The following LIMCH1 variants were observed in gnomAD, a reference collection of about 807,000 sequenced individuals.
LIMCH1 encodes the protein LIM and calponin homology domains 1.
LIMCH1 carries 113 observed loss-of-function variants against 176.5 expected under a neutral mutation model. The ratio of observed to expected loss-of-function variants is 0.64; its 90% CI spans 0.55 to 0.75. LIMCH1 has a LOEUF of 0.75. Ranked by LOEUF, LIMCH1 falls within the 30% of genes least tolerant of loss-of-function variation. The probability of loss-of-function intolerance (pLI) is 0.00; values close to 1 mark genes in which losing one functional copy is unlikely to be tolerated. For missense variants in LIMCH1, 1,674 were observed against 1,814.9 expected, an observed-to-expected ratio of 0.92 and a Z score of 1.41; for synonymous variants, 619 against 645.9, an observed-to-expected ratio of 0.96 and a Z score of 0.63.
In LIMCH1 at chr4:41,605,972, G is replaced by A. The variant is rs767081335; in HGVS notation, c.-24G>A. ...CAGCGGAACGACACTAAACCTGAAG[G>A]AGTTTGAAGGATTGTTGGCTCAGAT... On this transcript the variant is annotated 5_prime_UTR_variant, in exon 4 of 32. Coordinates refer to ENST00000503057, the MANE Select transcript of LIMCH1 (RefSeq NM_001330672.2). 1 of 1,613,720 alleles carries A rather than the reference G, an allele frequency of 6.2e-7. No individual in the cohort carries two copies. The highest frequency in any genetic ancestry group is 8.5e-7 in the Non-Finnish European group (1 of 1,179,698).
Position 41,631,128 on chromosome 4 carries a change from T to C in LIMCH1, c.1272-20T>C. 1 of 1,478,310 alleles carries C rather than the reference T, an allele frequency of 6.8e-7. No individual in the cohort carries two copies. The allele number at this position is 1,478,310 out of a possible 1,614,324, so 91.6% of individuals were successfully genotyped here. ...ATTTGTACTCAGACACTTTTAGAACTTATTTCTGGTTTTGACTAGGGATGG... is the reference window on the plus strand; with the variant it reads ...ATTTGTACTCAGACACTTTTAGAACCTATTTCTGGTTTTGACTAGGGATGG... On this transcript the variant is annotated intron_variant, in intron 9 of 31. Transcript: ENST00000503057.
chr4:41,392,831 G>C (rs1290495987), intron 1 of LIMCH1, among the ~76,000 whole-genome samples: 1 of 152,062 alleles, frequency 6.6e-6, no homozygotes, highest in African/African-American at 2.4e-5. Context: ...AGGAATTCGA[G>C]ACCAGCCTGG....
chr4:41,607,686 T>C lies in LIMCH1; in HGVS notation c.9+1682T>C, dbSNP rs150212767. On this transcript the variant is annotated intron_variant, in intron 4 of 31. Coordinates refer to ENST00000503057, the MANE Select transcript of LIMCH1 (RefSeq NM_001330672.2). Reference sequence around the variant, plus strand: ...AGCTCCTGTAGAATCTGAGCAGCTATTGGTTTCTTCAACTCTCCTAGCTTC... The same window carrying C: ...AGCTCCTGTAGAATCTGAGCAGCTACTGGTTTCTTCAACTCTCCTAGCTTC... Among the ~76,000 whole-genome samples, 603 of 152,360 alleles carry C rather than the reference T, an allele frequency of 4.0e-3. 2 individuals carry two copies. Among genetic ancestry groups the C allele is most frequent in the Non-Finnish European group, 6.5e-3 (443 of 68,032 alleles).
chr4:41,631,115 A>G (rs757429390), intron 9 of LIMCH1, 33 bp from the exon 10 acceptor site: 1 of 1,429,354 alleles, frequency 7.0e-7, no homozygotes, highest in African/African-American at 1.4e-5. Flanking sequence ...TTGTACTCAG[A>G]CACTTTTAGA....
intron 1 of LIMCH1, among the ~76,000 whole-genome samples, chr4:41,584,270 C>T (rs1014018015): frequency 1.3e-5 from 2 of 152,204 alleles, no homozygotes; most frequent in Non-Finnish European, 2.9e-5. Context: ...ATTTGTCTCA[C>T]ATGTCTTGGG....
chr4:41,518,643 T>C (rs546481539), intron 2 of LIMCH1, among the ~76,000 whole-genome samples: 2 of 152,296 alleles, frequency 1.3e-5, no homozygotes, highest in South Asian at 4.1e-4. Flanking sequence ...GGTATACGTG[T>C]GCCATGGTGG....
chr4:41,669,600 A>G (rs1450878116), intron 21 of LIMCH1, among the ~76,000 whole-genome samples: 7 of 152,232 alleles, frequency 4.6e-5, no homozygotes. Context: ...TCTGAAAACC[A>G]CTGGCCTCAA....
At position 41,413,495 on chromosome 4, in the gene LIMCH1, A is replaced by ATT. The variant is rs10631082; in HGVS notation, c.96+52572_96+52573dup. 7.1e-3 allele frequency among the ~76,000 whole-genome samples: 989 copies of ATT among 139,462 alleles called. 12 individuals are homozygous for ATT. Among genetic ancestry groups the ATT allele is most frequent in the African/African-American group, 0.021 (791 of 38,062 alleles). 91.5% of individuals were successfully genotyped at this position (139,462 alleles called of 152,430 possible). The stretch of plus-strand genomic sequence containing the variant: ...CAGGAACATGCCACCATGCCTGGCT[A>ATT]TTTTTTTTTTTTTTGTATTTTTTGT... On this transcript the variant is annotated intron_variant, in intron 1 of 26. Transcript: ENST00000313860.
intron 1 of LIMCH1, among the ~76,000 whole-genome samples, chr4:41,409,925 T>C (rs2059333554): frequency 6.6e-6 from 1 of 152,214 alleles, no homozygotes; most frequent in African/African-American, 2.4e-5. Flanking sequence ...GTTTTCTTCC[T>C]TATGCAATCA....
chr4:41,575,061 A>G (rs927758624), intron 1 of LIMCH1, among the ~76,000 whole-genome samples: 1 of 151,970 alleles, frequency 6.6e-6, no homozygotes, highest in Non-Finnish European at 1.5e-5. Context: ...CACACACACA[A>G]TTTATTGAGG....
At chr4:41,526,423 A>G (rs944395454) in intron 3 of LIMCH1, among the ~76,000 whole-genome samples, 3 of 152,122 alleles carry the variant, frequency 2.0e-5, no homozygotes, top group African/African-American at 7.2e-5. Flanking sequence ...TGAATCTACA[A>G]ACCTGGTCAA....
chr4:41,360,118 A>G (rs991806464), upstream of LIMCH1, among the ~76,000 whole-genome samples: 2 of 151,798 alleles, frequency 1.3e-5, no homozygotes, highest in African/African-American at 2.4e-5. This position sits in a 1 kb window ranked among gnomAD's most constrained non-coding sequence, Gnocchi z 4.5. Flanking sequence ...GTGCACAGTG[A>G]CTGTTGGTTG....
At chr4:41,618,875 T>G (rs1324300198) in intron 5 of LIMCH1, among the ~76,000 whole-genome samples, 1 of 152,156 alleles carries the variant, frequency 6.6e-6, no homozygotes, top group Admixed American at 6.5e-5. Flanking sequence ...CTTCTGAGAG[T>G]AGCAGAATCT....
chr4:41,505,925 GACACACACACACACAC>G (rs36212568), intron 2 of LIMCH1, among the ~76,000 whole-genome samples: 101 of 134,656 alleles, frequency 7.5e-4, no homozygotes, highest in Non-Finnish European at 1.4e-3. Context: ...CTGTGTTTCT[GACACACACACACACAC>G]ACACACACAC....
intron 1 of LIMCH1, among the ~76,000 whole-genome samples, chr4:41,598,529 A>G (rs9999253): frequency 6.9e-6 from 1 of 145,490 alleles, no homozygotes; most frequent in African/African-American, 2.7e-5. Context: ...AAACCTTTTT[A>G]AAAAAAAAAG....
At chr4:41,617,246 G>A (rs193124068) in intron 5 of LIMCH1, among the ~76,000 whole-genome samples, 4 of 152,194 alleles carry the variant, frequency 2.6e-5, no homozygotes, top group East Asian at 3.9e-4. Flanking sequence ...AGCACTTCTC[G>A]TAGTCAGAAC....
In LIMCH1 at chr4:41,360,856, C is replaced by G; in HGVS notation, c.16C>G (p.Leu6Val). 6.4e-7 allele frequency: 1 copy of G among 1,568,754 alleles called. No homozygotes were observed. Among genetic ancestry groups the G allele is most frequent in the Admixed American group, 1.9e-5 (1 of 52,198 alleles). ...GGCTGCGCAAATGGCTTGTCCCGCT[C>G]TCGGTCTGGAAGCTCTTCAGCCCCT... Residue 6 changes from leucine to valine, a missense_variant, in exon 1 of 27, where the codon CTC becomes GTC. Physicochemically the swap from Leu to Val is conservative, Grantham distance 32. Transcript: ENST00000313860. This position sits in a 1 kb window ranked among gnomAD's most constrained non-coding sequence, Gnocchi z 4.5.
At chr4:41,685,863 C>A in intron 28 of LIMCH1, 33 bp downstream of exon 28, 1 of 1,595,690 alleles carries the variant, frequency 6.3e-7, no homozygotes, top group Non-Finnish European at 8.5e-7. Flanking sequence ...TGTGGGATTC[C>A]CTTTTTTAAA....
intron 1 of LIMCH1, among the ~76,000 whole-genome samples, chr4:41,593,649 G>A (rs546045011): frequency 1.6e-4 from 24 of 152,288 alleles, no homozygotes; most frequent in Admixed American, 1.4e-3. Flanking sequence ...CGAATACAGG[G>A]TCATCCAGCT....
Sources: gnomAD v4.1 joint callset for allele counts (sites outside exome capture counted in the v4.1 genomes callset) on GRCh38, gnomAD v4.1.1 for gene constraint, Gnocchi (gnomAD v3.1) non-coding constraint, MANE v1.5 for transcripts, NCBI Gene and HGNC (gene_info 2026-07-23, HGNC 2026-07-21) for gene names.